MGLL: variants seen among roughly 807,000 people sequenced by gnomAD.
The protein encoded by MGLL is monoglyceride lipase.
In MGLL, 7 loss-of-function variants were observed where a neutral mutation model predicts 29.1. The ratio of observed to expected loss-of-function variants is 0.24; its 90% CI spans 0.14 to 0.45. The LOEUF (loss-of-function observed/expected upper bound fraction) is 0.45, where lower values mean the gene tolerates loss of function less well. Ranked by LOEUF, MGLL falls within the 20% of genes least tolerant of loss-of-function variation. MGLL has a pLI of 0.99. For synonymous variants in MGLL, 148 were observed against 168.3 expected (o/e 0.88, Z 0.93); for missense variants, 356 against 413.6 (o/e 0.86, Z 1.21).
intron 3 of MGLL, among the ~76,000 whole-genome samples, chr3:127,764,301 A>C (rs189260530): frequency 1.3e-5 from 2 of 152,318 alleles, no homozygotes; most frequent in Non-Finnish European, 2.9e-5. Context: ...TTGGGGAAGA[A>C]GTCGTGCCAG....
chr3:127,755,447 C>T (rs79388111), intron 3 of MGLL, among the ~76,000 whole-genome samples: 3 of 152,120 alleles, frequency 2.0e-5, no homozygotes, highest in Admixed American at 6.5e-5. Flanking sequence ...ATGGGAGACA[C>T]GATATGCCAG....
At chr3:127,819,745 A>T (rs1304366802) in intron 2 of MGLL, among the ~76,000 whole-genome samples, 1 of 152,116 alleles carries the variant, frequency 6.6e-6, no homozygotes, top group Non-Finnish European at 1.5e-5. Context: ...GGTCTCCCAG[A>T]TCATGCAAGA....
intron 3 of MGLL, among the ~76,000 whole-genome samples, chr3:127,758,058 C>T (rs1396223062): frequency 6.6e-6 from 1 of 152,192 alleles, no homozygotes; most frequent in Non-Finnish European, 1.5e-5. Context: ...CAGTGCTCTC[C>T]TCTCACCTCA....
At chr3:127,714,299 A>T (rs1022586907) in intron 5 of MGLL, among the ~76,000 whole-genome samples, 2 of 152,062 alleles carry the variant, frequency 1.3e-5, no homozygotes, top group South Asian at 4.1e-4. Context: ...CAAACAGGAG[A>T]TGTGGGGAGA....
At chr3:127,720,448 G>A (rs901737058) in intron 5 of MGLL, among the ~76,000 whole-genome samples, 2 of 152,196 alleles carry the variant, frequency 1.3e-5, no homozygotes, top group African/African-American at 4.8e-5. Context: ...CCTTTCTCGG[G>A]GAGAGAAGGT....
intron 2 of MGLL, among the ~76,000 whole-genome samples, chr3:127,812,752 C>T (rs1028343429): frequency 3.3e-5 from 5 of 152,180 alleles, no homozygotes; most frequent in African/African-American, 1.2e-4. Context: ...TTCTCTCTTA[C>T]CTGCACCAGC....
At chr3:127,783,217 T>C (rs2077158957) in intron 2 of MGLL, among the ~76,000 whole-genome samples, 1 of 149,338 alleles carries the variant, frequency 6.7e-6, no homozygotes, top group South Asian at 2.1e-4. Flanking sequence ...CAAAACACCA[T>C]TCAGAGTATG....
At chr3:127,735,870 A>G in intron 3 of MGLL, 1 of 1,585,276 alleles carries the variant, frequency 6.3e-7, no homozygotes, top group South Asian at 1.1e-5. Context: ...TCTCCCACTT[A>G]CAAGGATTTT....
At chr3:127,730,831 G>A (rs1022462912) in intron 3 of MGLL, among the ~76,000 whole-genome samples, 2 of 152,182 alleles carry the variant, frequency 1.3e-5, no homozygotes, top group Non-Finnish European at 2.9e-5. Context: ...TGGATGGGGC[G>A]CAAAACAGTC....
intron 6 of MGLL, among the ~76,000 whole-genome samples, chr3:127,706,304 AAAG>A (rs1489137847): frequency 6.6e-6 from 1 of 152,204 alleles, no homozygotes; most frequent in Non-Finnish European, 1.5e-5. Flanking sequence ...AGGTACTGAG[AAAG>A]AAGCTCAGTT....
chr3:127,810,527 G>A lies in MGLL; in HGVS notation c.155+11167C>T, dbSNP rs118082228. On this transcript the variant is annotated intron_variant, in intron 2 of 7. Transcript: ENST00000265052. ...AAGATCCAGCTGAAAGTCACCAAAC[G>A]TCCCTCTGAAATCCCAACACAGAAT... Among the ~76,000 whole-genome samples the A allele has an allele frequency of 1.0e-4, 15 of 150,168 alleles. No individual in the cohort carries two copies. In the East Asian group the frequency reaches 1.4e-3, roughly 14 times the overall value.
At chr3:127,731,333 TTTATTATTATTATTA>T (rs140919604) in intron 3 of MGLL, among the ~76,000 whole-genome samples, 39,411 of 145,362 alleles carry the variant, frequency 0.27, 5,447 homozygotes, top group Middle Eastern at 0.49. Flanking sequence ...CTTGGTGGCT[TTTATTATTATTATTA>T]TTATTATTAT....
chr3:127,731,352 T>TTATTAG (rs2076146827), intron 3 of MGLL, among the ~76,000 whole-genome samples: 1 of 123,420 alleles, frequency 8.1e-6, no homozygotes. Context: ...ATTATTATTA[T>TTATTAG]TATTATTATT....
chr3:127,739,270 T>G (rs1404254779), intron 3 of MGLL, among the ~76,000 whole-genome samples: 4 of 152,200 alleles, frequency 2.6e-5, no homozygotes, highest in Non-Finnish European at 2.9e-5. Flanking sequence ...TCACCTCCTT[T>G]GCAAATTGAG....
chr3:127,798,428 G>T (rs938753693), intron 2 of MGLL, among the ~76,000 whole-genome samples: 1 of 152,132 alleles, frequency 6.6e-6, no homozygotes, highest in African/African-American at 2.4e-5. Context: ...GGGACCCCAG[G>T]GCCCTGTTCT....
chr3:127,791,497 C>A (rs1274558838), intron 2 of MGLL, among the ~76,000 whole-genome samples: 1 of 152,170 alleles, frequency 6.6e-6, no homozygotes, highest in African/African-American at 2.4e-5. Flanking sequence ...TCTCTAAGAT[C>A]CCCCTACCCC....
intron 6 of MGLL, among the ~76,000 whole-genome samples, chr3:127,704,294 A>G (rs1304762799): frequency 6.6e-6 from 1 of 152,240 alleles, no homozygotes; most frequent in African/African-American, 2.4e-5. Context: ...AATCTAGGCA[A>G]TACCATTCAG....
chr3:127,699,784 A>G (rs927194490), intron 6 of MGLL, among the ~76,000 whole-genome samples: 5 of 152,190 alleles, frequency 3.3e-5, no homozygotes, highest in Admixed American at 3.3e-4. Context: ...CCTGATGAGG[A>G]CCATAAGCAG....
rs968821641 is a variant in MGLL at position 127,690,883 on chromosome 3, G to T, written c.*1315C>A. 6.5e-6 allele frequency: 1 copy of T among 152,698 alleles called. No homozygotes were observed. 9.5% of individuals were successfully genotyped at this position (152,698 alleles called of 1,614,324 possible). A position where few individuals can be genotyped will look rare whatever the true frequency, so the allele number is the denominator to read the frequency against. ...CCTCAGCTCTGAATGATTGGCTGAT[G>T]CCAGCCTTGGCCTTGGGTGAGGCCT... On this transcript the variant is annotated 3_prime_UTR_variant, in exon 8 of 8. Transcript: ENST00000265052.
Sources: gnomAD v4.1 joint callset for allele counts (sites outside exome capture counted in the v4.1 genomes callset) on GRCh38, gnomAD v4.1.1 for gene constraint, MANE v1.5 for transcripts, NCBI Gene and HGNC (gene_info 2026-07-23, HGNC 2026-07-21) for gene names.